The following FYTTD1 variants were observed in gnomAD, a reference collection of about 807,000 sequenced individuals.
FYTTD1 encodes forty-two-three domain containing 1.
A neutral mutation model predicts 40.9 loss-of-function variants in FYTTD1; 22 were observed. That is an observed-to-expected ratio of 0.54 (90% CI 0.38 to 0.77). The LOEUF (loss-of-function observed/expected upper bound fraction) is 0.77. Ranked by LOEUF, FYTTD1 falls within the 30% of genes least tolerant of loss-of-function variation. FYTTD1 has a pLI of 0.00. For synonymous variants in FYTTD1, 140 were observed against 137.9 expected (o/e 1.01, Z -0.10); for missense variants, 351 against 392.2 (o/e 0.90, Z 0.89).
chr3:197,749,930 C>G lies in FYTTD1; in HGVS notation c.-42C>G. ...AGTGGGAGGTGGCAGGCCTGCGACT[C>G]CGGCCTTGTCCGCGCCCGCTCTCGG... On this transcript the variant is annotated 5_prime_UTR_variant, in exon 1 of 9. Transcript: ENST00000241502. 7.2e-7 allele frequency: 1 copy of G among 1,389,740 alleles called. No individual in the cohort carries two copies. Among genetic ancestry groups the G allele is most frequent in the Non-Finnish European group, 9.8e-7 (1 of 1,020,508 alleles). 86.1% of individuals were successfully genotyped at this position (1,389,740 alleles called of 1,614,324 possible). A position where few individuals can be genotyped will look rare whatever the true frequency, so the allele number is the denominator to read the frequency against.
chr3:197,763,655 G>GT (rs1227649179), intron 2 of FYTTD1: 1 of 280,504 alleles, frequency 3.6e-6, no homozygotes, highest in Non-Finnish European at 7.1e-6. Context: ...AGACTAAAAA[G>GT]TTTGAGAATG....
chr3:197,773,944 G>T (rs1051667331), intron 5 of FYTTD1, among the ~76,000 whole-genome samples: 3 of 148,234 alleles, frequency 2.0e-5, no homozygotes, highest in Admixed American at 6.7e-5. Context: ...CGCCCCACTG[G>T]GTTAGGAATT....
chr3:197,772,009 G>A (rs989109760), intron 4 of FYTTD1, among the ~76,000 whole-genome samples: 9 of 151,934 alleles, frequency 5.9e-5, no homozygotes, highest in African/African-American at 9.7e-5. Flanking sequence ...CAGGAGAATC[G>A]CTTAAACCTG....
At chr3:197,781,203 A>T (rs531022790) in intron 8 of FYTTD1, among the ~76,000 whole-genome samples, 11 of 151,830 alleles carry the variant, frequency 7.2e-5, no homozygotes, top group African/African-American at 2.7e-4. Flanking sequence ...AATCCCAGCT[A>T]CTCGGGAGGC....
At chr3:197,774,404 G>T (rs113277796) in intron 6 of FYTTD1, among the ~76,000 whole-genome samples, 194 bp downstream of exon 6, 10 of 152,364 alleles carry the variant, frequency 6.6e-5, no homozygotes, top group African/African-American at 2.4e-4. Flanking sequence ...AATTGATGGA[G>T]CCCAAGAGTT....
chr3:197,751,498 T>G (rs559444319), intron 1 of FYTTD1, among the ~76,000 whole-genome samples: 1 of 152,078 alleles, frequency 6.6e-6, no homozygotes, highest in African/African-American at 2.4e-5. Context: ...ATACTAAAAT[T>G]AGCCGGGCGT....
intron 1 of FYTTD1, among the ~76,000 whole-genome samples, chr3:197,753,281 G>A (rs747547475): frequency 1.3e-5 from 2 of 152,118 alleles, no homozygotes; most frequent in Non-Finnish European, 2.9e-5. Context: ...TTCACATAGA[G>A]TACCAAGTTT....
Position 197,749,887 on chromosome 3 carries a change from C to A in FYTTD1, c.-85C>A. 3.6e-6 allele frequency: 3 copies of A among 844,698 alleles called. No individual in the cohort carries two copies. Among genetic ancestry groups the A allele is most frequent in the South Asian group, 2.3e-5 (1 of 44,138 alleles). 52.3% of individuals were successfully genotyped at this position (844,698 alleles called of 1,614,324 possible). A position where few individuals can be genotyped will look rare whatever the true frequency, so the allele number is the denominator to read the frequency against. On this transcript the variant is annotated 5_prime_UTR_variant, in exon 1 of 9. Coordinates refer to ENST00000241502, the MANE Select transcript of FYTTD1 (RefSeq NM_032288.7). ...CCGGCGCGTGCGCGCTCCCTCGGTG[C>A]GGCGGGCTGCGTGCGCGAGTGGGAG...
chr3:197,763,875 A>G (rs887282847), intron 2 of FYTTD1, among the ~76,000 whole-genome samples: 9 of 152,238 alleles, frequency 5.9e-5, no homozygotes, highest in African/African-American at 2.2e-4. Flanking sequence ...TTCAAGAGAA[A>G]GATGAAAATG....
chr3:197,750,573 T>G lies in FYTTD1; in HGVS notation c.103+499T>G, dbSNP rs1407605121. ...AAACCAGCGCTTCCGGAGCTTTCCC[T>G]GGTCGCCGGGCGTTCCAGGCCGGCG... On this transcript the variant is annotated intron_variant, in intron 1 of 8. Transcript: ENST00000241502. 2.8e-5 allele frequency: 28 copies of G among 983,880 alleles called. No individual in the cohort carries two copies. In the African/African-American group the frequency reaches 4.9e-4, roughly 17 times the overall value. The allele number at this position is 983,880 out of a possible 1,614,324, so 60.9% of individuals were successfully genotyped here.
intron 2 of FYTTD1, among the ~76,000 whole-genome samples, chr3:197,764,438 A>C (rs1318707409): frequency 6.6e-6 from 1 of 152,190 alleles, no homozygotes; most frequent in Admixed American, 6.5e-5. Context: ...GGCGGGGCCA[A>C]GTGGCTCACG....
chr3:197,777,875 C>G (rs1729921294), intron 7 of FYTTD1, among the ~76,000 whole-genome samples: 1 of 152,094 alleles, frequency 6.6e-6, no homozygotes, highest in African/African-American at 2.4e-5. Flanking sequence ...CCACCACACC[C>G]AGCTAATTTT....
chr3:197,786,586 C>G lies in FYTTD1; in HGVS notation c.*4677C>G, dbSNP rs765985826. On this transcript the variant is annotated 3_prime_UTR_variant, in exon 9 of 9. Coordinates refer to ENST00000241502, the MANE Select transcript of FYTTD1 (RefSeq NM_032288.7). Reference sequence around the variant, plus strand: ...TGTGCATATTTAATTTCTACTTACTCCATTTCCCTTTAATGAGAAAAGAAT... The same window carrying G: ...TGTGCATATTTAATTTCTACTTACTGCATTTCCCTTTAATGAGAAAAGAAT... 1 of 152,092 alleles carries G rather than the reference C, an allele frequency of 6.6e-6. No individual in the cohort carries two copies. Among genetic ancestry groups the G allele is most frequent in the Non-Finnish European group, 1.5e-5 (1 of 68,030 alleles). 9.4% of individuals were successfully genotyped at this position (152,092 alleles called of 1,614,324 possible).
intron 3 of FYTTD1, 71 bp from the exon 4 acceptor site, chr3:197,770,061 T>C: frequency 1.2e-6 from 1 of 861,846 alleles, no homozygotes; most frequent in South Asian, 1.6e-5. Context: ...ATTCTGCATC[T>C]GAAATGTTTA....
At chr3:197,776,425 A>G (rs1729878021) in intron 6 of FYTTD1, among the ~76,000 whole-genome samples, 1 of 118,970 alleles carries the variant, frequency 8.4e-6, no homozygotes, top group Admixed American at 1.0e-4. Context: ...GGGTTTCACT[A>G]TCTTAGCCAG....
intron 4 of FYTTD1, among the ~76,000 whole-genome samples, chr3:197,770,845 A>C (rs1475393173): frequency 6.6e-6 from 1 of 152,144 alleles, no homozygotes; most frequent in Non-Finnish European, 1.5e-5. Context: ...CCCTGTGCCC[A>C]GCCCTGGTAG....
intron 2 of FYTTD1, among the ~76,000 whole-genome samples, chr3:197,767,203 G>A (rs1233441798): frequency 1.3e-5 from 2 of 151,958 alleles, no homozygotes; most frequent in Non-Finnish European, 2.9e-5. Context: ...GCAGTGGCAC[G>A]ATCTCGGCTC....
chr3:197,755,222 T>G (rs1729178215), intron 1 of FYTTD1, among the ~76,000 whole-genome samples: 1 of 152,210 alleles, frequency 6.6e-6, no homozygotes, highest in Non-Finnish European at 1.5e-5. Flanking sequence ...TGGCACTTGT[T>G]TAATTTTGTA....
chr3:197,760,162 C>T (rs771933714), intron 2 of FYTTD1, among the ~76,000 whole-genome samples: 2 of 148,752 alleles, frequency 1.3e-5, no homozygotes, highest in East Asian at 2.0e-4. Context: ...TGTGGTAGAA[C>T]GTATTGAGTT....
Sources: allele counts gnomAD v4.1 joint callset (sites outside exome capture counted in the v4.1 genomes callset), GRCh38; gene constraint gnomAD v4.1.1; transcripts MANE v1.5; gene names NCBI Gene and HGNC (gene_info 2026-07-23, HGNC 2026-07-21).